Variants in ASNS observed in about 807,000 individuals in gnomAD.
The protein encoded by ASNS is asparagine synthetase (glutamine-hydrolyzing).
ASNS carries 37 observed loss-of-function variants against 62.6 expected under a neutral mutation model. The ratio of observed to expected loss-of-function variants is 0.59; its 90% CI spans 0.45 to 0.78. The LOEUF is 0.78. Ranked by LOEUF, ASNS falls within the 30% of genes least tolerant of loss-of-function variation. The pLI is 0.00. For missense variants in ASNS, 520 were observed against 682.4 expected (o/e 0.76, Z 2.65); for synonymous variants, 207 against 237.9 (o/e 0.87, Z 1.19).
the ASNS span, among the ~76,000 whole-genome samples, chr7:97,907,262 C>T: frequency 1.3e-5 from 2 of 152,204 alleles, no homozygotes; most frequent in African/African-American, 4.8e-5. Flanking sequence ...TCTGATGTCT[C>T]AAAATATGTT....
intron 1 of ASNS, chr7:97,871,675 T>C (rs1249647603): frequency 6.6e-6 from 1 of 152,176 alleles, no homozygotes; most frequent in Non-Finnish European, 1.5e-5. Flanking sequence ...ATGCTAGTTC[T>C]TTTGCCTTTT....
At chr7:97,866,555 T>C (rs532617180) in intron 3 of ASNS, among the ~76,000 whole-genome samples, 1 of 152,342 alleles carries the variant, frequency 6.6e-6, no homozygotes, top group Admixed American at 6.5e-5. Flanking sequence ...GGATGAAAAG[T>C]CCTTGATGTA....
chr7:97,880,960 A>T, the ASNS span, among the ~76,000 whole-genome samples: 5 of 97,424 alleles, frequency 5.1e-5, no homozygotes, highest in East Asian at 1.4e-3. Context: ...TTTTGTTTTG[A>T]GATGGAATCT....
At chr7:97,908,321 A>G in the ASNS span, 1 of 152,242 alleles carries the variant, frequency 6.6e-6, no homozygotes, top group African/African-American at 2.4e-5. Context: ...AGAGGAAACA[A>G]ATGGTCACCA....
At chr7:97,893,146 A>G in the ASNS span, among the ~76,000 whole-genome samples, 1 of 152,354 alleles carries the variant, frequency 6.6e-6, no homozygotes, top group Admixed American at 6.5e-5. Context: ...GCAAAGAGAG[A>G]GCTTGAGCAG....
the ASNS span, among the ~76,000 whole-genome samples, chr7:97,917,216 C>CAAAAA: frequency 2.4e-4 from 27 of 113,440 alleles, no homozygotes; most frequent in African/African-American, 6.6e-4. Flanking sequence ...ATATTTGCAC[C>CAAAAA]AAAAAAAAAA....
intron 5 of ASNS, 68 bp downstream of exon 5, chr7:97,859,145 G>C (rs1169829559): frequency 2.1e-5 from 32 of 1,531,292 alleles, no homozygotes; most frequent in Non-Finnish European, 2.6e-5. Context: ...TCAAATGATG[G>C]GAGAATACAA....
At chr7:97,855,759 G>A (rs777792472) in intron 8 of ASNS, among the ~76,000 whole-genome samples, 4 of 152,130 alleles carry the variant, frequency 2.6e-5, no homozygotes, top group Non-Finnish European at 5.9e-5. Context: ...GCTGAACAAT[G>A]ACTCAAATAC....
At chr7:97,857,094 A>G (rs544496876) in intron 7 of ASNS, among the ~76,000 whole-genome samples, 65 of 152,044 alleles carry the variant, frequency 4.3e-4, no homozygotes, top group African/African-American at 1.5e-3. Context: ...CTCTCTACCT[A>G]TTTTACCTAA....
At position 97,855,437 on chromosome 7, in the gene ASNS, A is replaced by G. The variant is rs374723152; in HGVS notation, c.1053T>C (p.Tyr351=). Residue 351 remains tyrosine (Y), a synonymous_variant, in exon 9 of 13, where the codon TAT becomes TAC. Coordinates refer to ENST00000394308, the MANE Select transcript of ASNS (RefSeq NM_001673.5). ...CCACGCTATCTGTGTTCTTCCGAAT[A>G]TACTTGGAAATTAAATACATACCTT... ...ASVGMYLISK[Y]IRKNTDSVVI... is the part of the protein sequence containing the mutation. 5.6e-6 allele frequency: 9 copies of G among 1,610,912 alleles called. No individual in the cohort carries two copies. The African/African-American group carries it at 9.3e-5, about 17-fold the overall frequency.
chr7:97,928,371 C>G, the ASNS span: 6 of 866,738 alleles, frequency 6.9e-6, no homozygotes, highest in Middle Eastern at 3.4e-4. Context: ...GGAGCTGGGG[C>G]GTCTGAGCGC....
At chr7:97,914,912 T>C in the ASNS span, among the ~76,000 whole-genome samples, 1 of 151,992 alleles carries the variant, frequency 6.6e-6, no homozygotes, top group Non-Finnish European at 1.5e-5. Flanking sequence ...CTAAGCAATC[T>C]CGAACACAGA....
At position 97,854,880 on chromosome 7, in the gene ASNS, G is replaced by A; in HGVS notation, c.1138-200C>T. 4 of 844,362 alleles carry A rather than the reference G, an allele frequency of 4.7e-6. No individual in the cohort carries two copies. The South Asian group carries it at 7.2e-5, about 15-fold the overall frequency. The allele number at this position is 844,362 out of a possible 1,614,324, so 52.3% of individuals were successfully genotyped here. ...CAAACTGCTAATATTAGAATAAAAT[G>A]AACACAATGGGCAACAGTCATAATT... On this transcript the variant is annotated intron_variant, in intron 9 of 12. Coordinates refer to ENST00000394308, the MANE Select transcript of ASNS (RefSeq NM_001673.5).
the ASNS span, among the ~76,000 whole-genome samples, chr7:97,910,062 G>T: frequency 2.0e-5 from 3 of 152,132 alleles, no homozygotes; most frequent in Non-Finnish European, 4.4e-5. Flanking sequence ...GACAATACAA[G>T]ACGGAGTCAA....
the ASNS span, among the ~76,000 whole-genome samples, chr7:97,896,735 CACACACATAT>C: frequency 5.2e-4 from 13 of 24,936 alleles, no homozygotes; most frequent in African/African-American, 1.1e-3. Flanking sequence ...CACACACACA[CACACACATAT>C]ATATATATAT....
the ASNS span, among the ~76,000 whole-genome samples, chr7:97,899,421 C>T: frequency 6.6e-6 from 1 of 152,180 alleles, no homozygotes; most frequent in African/African-American, 2.4e-5. Context: ...CCATGCCCAG[C>T]CTGGAATCTA....
At chr7:97,858,788 G>T (rs1791577629) in intron 6 of ASNS, 66 bp downstream of exon 6, 1 of 1,416,182 alleles carries the variant, frequency 7.1e-7, no homozygotes, top group Non-Finnish European at 9.7e-7. Flanking sequence ...AAACCAAAGG[G>T]ATGGCTACAA....
At position 97,856,701 on chromosome 7, in the gene ASNS, C is replaced by T. The variant is rs1360484422; in HGVS notation, c.1019G>A (p.Arg340His). ...SLETYDITTV[R>H]ASVGMYLISK... ...TCATAATACCTTACCTACTGAAGCA[C>T]GAACTGTTGTAATGTCATAAGTTTC... The change falls in exon 8 of 13, where the codon CGT becomes CAT. Residue 340 changes from arginine to histidine, a missense_variant. By Grantham distance (29) the Arg-to-His change is conservative. Transcript: ENST00000394308. 5.0e-6 allele frequency: 8 copies of T among 1,606,240 alleles called. No homozygotes were observed. The highest frequency in any genetic ancestry group is 2.7e-5 in the African/African-American group (2 of 74,520).
the ASNS span, among the ~76,000 whole-genome samples, chr7:97,922,634 A>G: frequency 6.6e-6 from 1 of 152,152 alleles, no homozygotes; most frequent in African/African-American, 2.4e-5. Flanking sequence ...ATTTAGCTTG[A>G]TTTAGCCATT....
Sources: allele counts gnomAD v4.1 joint callset (sites outside exome capture counted in the v4.1 genomes callset), GRCh38; gene constraint gnomAD v4.1.1; transcripts MANE v1.5; gene names NCBI Gene and HGNC (gene_info 2026-07-23, HGNC 2026-07-21).